GSG1: variants seen among roughly 807,000 people sequenced by gnomAD.
GSG1 encodes germ cell associated 1.
GSG1 carries 28 observed loss-of-function variants against 30.8 expected under a neutral mutation model. The observed-to-expected ratio is 0.91, with a 90% CI of 0.67 to 1.25. GSG1 has a LOEUF of 1.25. Ranked by LOEUF, GSG1 falls within the 50% of genes most tolerant of loss-of-function variation. The pLI is 0.00. For missense variants in GSG1, 435 were observed against 444.7 expected, an observed-to-expected ratio of 0.98 and a Z score of 0.20; for synonymous variants, 162 against 178.0, an observed-to-expected ratio of 0.91 and a Z score of 0.71.
rs538770619 is a variant in GSG1 at position 13,101,932 on chromosome 12, G to A, written c.48+1533C>T. Among the ~76,000 whole-genome samples the A allele has an allele frequency of 3.9e-5, 6 of 152,308 alleles. No homozygotes were observed. Among genetic ancestry groups the A allele is most frequent in the African/African-American group, 1.4e-4 (6 of 41,570 alleles). On this transcript the variant is annotated intron_variant, in intron 1 of 6. Coordinates refer to ENST00000651961, the MANE Select transcript of GSG1 (RefSeq NM_001080555.4). The surrounding 1 kb of genome is among the most constrained non-coding windows in gnomAD (Gnocchi z 5.8). Reference sequence around the variant, plus strand: ...TCCCAGAGGGTTAAATTTACCCTCAGGGGTAAATGAGGGCAAAGAGTTGTC... The same window carrying A: ...TCCCAGAGGGTTAAATTTACCCTCAAGGGTAAATGAGGGCAAAGAGTTGTC...
chr12:13,103,411 C>A, intron 1 of GSG1, 54 bp downstream of exon 1: 14 of 1,284,316 alleles, frequency 1.1e-5, no homozygotes, highest in Non-Finnish European at 1.6e-5. Context: ...ACAAATCCAG[C>A]AGTAAAGATA....
At chr12:13,097,983 C>T (rs1862856436) in intron 1 of GSG1, among the ~76,000 whole-genome samples, 1 of 152,158 alleles carries the variant, frequency 6.6e-6, no homozygotes, top group East Asian at 1.9e-4. Flanking sequence ...GCTTTTGTCA[C>T]CTGTAATGTC....
At chr12:13,095,431 A>G (rs1022324837) in intron 1 of GSG1, among the ~76,000 whole-genome samples, 1 of 152,224 alleles carries the variant, frequency 6.6e-6, no homozygotes, top group Admixed American at 6.5e-5. Context: ...GTAGGCGCCA[A>G]TGTATAATCA....
intron 5 of GSG1, among the ~76,000 whole-genome samples, 186 bp downstream of exon 5, chr12:13,087,721 G>T (rs1565525779): frequency 1.3e-5 from 2 of 152,232 alleles, no homozygotes; most frequent in Non-Finnish European, 2.9e-5. Flanking sequence ...AAATCATTTT[G>T]TAAAGTACAC....
intron 1 of GSG1, among the ~76,000 whole-genome samples, chr12:13,102,602 C>T (rs1014671572): frequency 6.6e-6 from 1 of 152,200 alleles, no homozygotes; most frequent in Non-Finnish European, 1.5e-5. Flanking sequence ...CTTAAGTTAT[C>T]CTGTTCTTTC....
chr12:13,087,674 A>G (rs1002596192), intron 5 of GSG1, among the ~76,000 whole-genome samples: 1 of 152,280 alleles, frequency 6.6e-6, no homozygotes, highest in Non-Finnish European at 1.5e-5. Flanking sequence ...TAGATTTTAC[A>G]TATTGAGAAA....
chr12:13,084,999 C>T lies in GSG1; in HGVS notation c.991G>A (p.Asp331Asn), dbSNP rs376830090. The change falls in exon 7 of 7, where the codon GAC (aspartate) becomes AAC (asparagine). Residue 331 changes from aspartate (D) to asparagine (N), a missense_variant. Transcript: ENST00000651961. ...TTGTTCCGCAGCTCGGAGTAGAAGT[C>T]GACTCCCTCAGAGACAGAGTGGATG... Reference protein sequence around the residue: ...QPIHSVSEGVDFYSELRNKGF... With the variant: ...QPIHSVSEGVNFYSELRNKGF... 1.0e-5 allele frequency: 16 copies of T among 1,555,330 alleles called. No homozygotes were observed. Among genetic ancestry groups the T allele is most frequent in the East Asian group, 4.8e-5 (2 of 41,292 alleles).
At chr12:13,089,185 A>C (rs750895885) in intron 3 of GSG1, 23 bp downstream of exon 3, 38 of 1,551,288 alleles carry the variant, frequency 2.4e-5, no homozygotes, top group Non-Finnish European at 3.2e-5. Context: ...AGAAGAGTTA[A>C]TGATCTTAGT....
chr12:13,089,926 G>A (rs534179377), intron 2 of GSG1, among the ~76,000 whole-genome samples: 57 of 152,304 alleles, frequency 3.7e-4, no homozygotes, highest in African/African-American at 1.4e-3. Flanking sequence ...GCACATGCCT[G>A]TAATCCCAGC....
At position 13,101,182 on chromosome 12, in the gene GSG1, G is replaced by C. The variant is rs1263141725; in HGVS notation, c.48+2283C>G. Among the ~76,000 whole-genome samples, 1 of 152,046 alleles carries C rather than the reference G, an allele frequency of 6.6e-6. No homozygotes were observed. The highest frequency in any genetic ancestry group is 1.5e-5 in the Non-Finnish European group (1 of 67,972). ...CGGGGGCGCTTGGGGACCGCGGGGC[G>C]GGGCGGGGGCGTAACGGGTGGGGCC... On this transcript the variant is annotated intron_variant, in intron 1 of 6. Transcript: ENST00000651961. The surrounding 1 kb of genome is among the most constrained non-coding windows in gnomAD (Gnocchi z 5.8).
At chr12:13,090,878 C>G (rs549393122) in intron 1 of GSG1, 60 bp from the exon 2 acceptor site, 1 of 1,437,360 alleles carries the variant, frequency 7.0e-7, no homozygotes, top group Non-Finnish European at 9.6e-7. Flanking sequence ...TCAGAGCCGC[C>G]TCGGAGATGT....
At chr12:13,090,346 T>A (rs1398764381) in intron 2 of GSG1, among the ~76,000 whole-genome samples, 157 bp downstream of exon 2, 1 of 152,262 alleles carries the variant, frequency 6.6e-6, no homozygotes, top group Non-Finnish European at 1.5e-5. Flanking sequence ...TGGAAGGTTC[T>A]GTGCTGGGAG....
chr12:13,090,029 A>G (rs1865927522), intron 2 of GSG1, among the ~76,000 whole-genome samples: 1 of 152,212 alleles, frequency 6.6e-6, no homozygotes, highest in Non-Finnish European at 1.5e-5. Context: ...AGCCTGGGCA[A>G]CAAGAGCAAA....
chr12:13,085,701 C>G (rs535366723), intron 6 of GSG1, among the ~76,000 whole-genome samples: 2 of 152,106 alleles, frequency 1.3e-5, no homozygotes, highest in African/African-American at 2.4e-5. Context: ...GATGTCCCCC[C>G]ACTCAGATGC....
At position 13,089,214 on chromosome 12, in the gene GSG1, C is replaced by T. The variant is rs1397121685; in HGVS notation, c.427G>A (p.Ala143Thr). 1 of 1,556,234 alleles carries T rather than the reference C, an allele frequency of 6.4e-7. No individual in the cohort carries two copies. The highest frequency in any genetic ancestry group is 8.7e-7 in the Non-Finnish European group (1 of 1,149,422). Reference protein sequence around the residue: ...RALRSSGTAAAKGERCRSFIE... With the variant: ...RALRSSGTAATKGERCRSFIE... The stretch of plus-strand genomic sequence containing the variant: ...TCTTAGTGTTAACTAATACCTTTTG[C>T]TGCCGCTGTACCACTGGACCGAAGG... The change falls in exon 3 of 7, where the codon GCA becomes ACA. Residue 143 changes from alanine (A) to threonine (T), a missense_variant. Physicochemically the swap from Ala to Thr is moderately conservative, Grantham distance 58. Coordinates refer to ENST00000651961, the MANE Select transcript of GSG1 (RefSeq NM_001080555.4).
At chr12:13,095,805 T>C (rs1866619367) in intron 1 of GSG1, 2 of 1,481,888 alleles carry the variant, frequency 1.3e-6, no homozygotes, top group Non-Finnish European at 1.8e-6. Context: ...CATTTAATAA[T>C]TGACAAGGCA....
At position 13,085,189 on chromosome 12, in the gene GSG1, G is replaced by T. The variant is rs1288041678; in HGVS notation, c.801C>A (p.Asn267Lys). The T allele has an allele frequency of 1.9e-6, 3 of 1,613,666 alleles. No individual in the cohort carries two copies. The East Asian group carries it at 6.7e-5, about 36-fold the overall frequency. The change falls in exon 7 of 7, where the codon AAC becomes AAA. Residue 267 changes from asparagine (N) to lysine (K), a missense_variant. Transcript: ENST00000651961. The stretch of plus-strand genomic sequence containing the variant: ...ACTCCAGCACCATCCTGGTGTACGT[G>T]TTGAAGGTGGTGACAGCCGACGCCA... ...CCMASAVTTF[N>K]TYTRMVLEFK...
chr12:13,097,612 G>C (rs1862829542), intron 1 of GSG1, among the ~76,000 whole-genome samples: 1 of 152,120 alleles, frequency 6.6e-6, no homozygotes, highest in Non-Finnish European at 1.5e-5. Context: ...TCTCAGTTCT[G>C]ATGAACTGAG....
chr12:13,087,791 C>T, intron 5 of GSG1, 116 bp downstream of exon 5: 1 of 989,526 alleles, frequency 1.0e-6, no homozygotes, highest in South Asian at 2.0e-5. Context: ...TGCCTACCTC[C>T]ATTCTTTAAA....
Sources: gnomAD v4.1 joint callset for allele counts (sites outside exome capture counted in the v4.1 genomes callset) on GRCh38, gnomAD v4.1.1 for gene constraint, Gnocchi (gnomAD v3.1) non-coding constraint, MANE v1.5 for transcripts, NCBI Gene and HGNC (gene_info 2026-07-23, HGNC 2026-07-21) for gene names.